The following COLEC12 variants were observed in gnomAD, a reference collection of about 807,000 sequenced individuals.
COLEC12 encodes collectin-12.
Under a neutral mutation model 71.1 loss-of-function variants are expected in COLEC12, and 33 were observed. The ratio of observed to expected loss-of-function variants is 0.46; its 90% CI spans 0.35 to 0.62. The LOEUF (loss-of-function observed/expected upper bound fraction) is 0.62. Ranked by LOEUF, COLEC12 falls within the 20% of genes least tolerant of loss-of-function variation. The probability of loss-of-function intolerance (pLI) is 0.00; values close to 1 mark genes in which losing one functional copy is unlikely to be tolerated. For missense variants in COLEC12, 765 were observed against 916.1 expected (o/e 0.84, Z 2.13); for synonymous variants, 350 against 353.0 (o/e 0.99, Z 0.10).
At chr18:459,642 T>G (rs1321134111) in intron 2 of COLEC12, among the ~76,000 whole-genome samples, 5 of 152,236 alleles carry the variant, frequency 3.3e-5, no homozygotes, top group Admixed American at 6.5e-5. Context: ...GCAGGTGCCC[T>G]ATGCACACCG....
chr18:375,360 C>G (rs1302443920), intron 2 of COLEC12, among the ~76,000 whole-genome samples: 1 of 152,240 alleles, frequency 6.6e-6, no homozygotes, highest in Non-Finnish European at 1.5e-5. Context: ...TGTGGGTACC[C>G]TCATGGCTTT....
At chr18:338,859 C>CT (rs1265430586) in intron 5 of COLEC12, among the ~76,000 whole-genome samples, 14 of 152,258 alleles carry the variant, frequency 9.2e-5, no homozygotes, top group Admixed American at 8.5e-4. Flanking sequence ...TTAAAATAAA[C>CT]TTTTTTCTCA....
At chr18:352,890 T>C (rs1252446784) in intron 3 of COLEC12, among the ~76,000 whole-genome samples, 1 of 152,162 alleles carries the variant, frequency 6.6e-6, no homozygotes, top group East Asian at 1.9e-4. Flanking sequence ...ATGAGAAAAA[T>C]GAGCAGGATA....
intron 5 of COLEC12, among the ~76,000 whole-genome samples, chr18:336,462 GGATT>G (rs1352408540): frequency 1.3e-5 from 2 of 152,176 alleles, no homozygotes; most frequent in Non-Finnish European, 2.9e-5. Flanking sequence ...ATGTAACACA[GGATT>G]GTTTTTCTTT....
At chr18:444,761 A>G (rs1241307646) in intron 2 of COLEC12, among the ~76,000 whole-genome samples, 1 of 152,226 alleles carries the variant, frequency 6.6e-6, no homozygotes, top group African/African-American at 2.4e-5. Context: ...AACAAATGGG[A>G]TTGACGTGAT....
chr18:498,526 A>T (rs1172606692), intron 1 of COLEC12, among the ~76,000 whole-genome samples: 1 of 151,616 alleles, frequency 6.6e-6, no homozygotes, highest in Non-Finnish European at 1.5e-5. Flanking sequence ...CGCCCAGCTA[A>T]TTTTTTGTAT....
At position 331,694 on chromosome 18, in the gene COLEC12, C is replaced by G. The variant is rs1320386495; in HGVS notation, c.2037G>C (p.Trp679Cys). ...TGTAGTCTGGAGATGTCCCATCCAG[C>G]CACTTCCATTCATTTTCACGCTCTG... ...TDSERENEWK[W>C]LDGTSPDYKN... Residue 679 changes from tryptophan to cysteine, a missense_variant, in exon 8 of 10, where the codon TGG becomes TGC. Physicochemically the swap from Trp to Cys is radical, Grantham distance 215. Coordinates refer to ENST00000400256, the MANE Select transcript of COLEC12 (RefSeq NM_130386.3). The G allele has an allele frequency of 6.2e-7, 1 of 1,612,312 alleles. No individual in the cohort carries two copies. Among genetic ancestry groups the G allele is most frequent in the Non-Finnish European group, 8.5e-7 (1 of 1,178,336 alleles).
At chr18:488,942 C>T (rs974568356) in intron 1 of COLEC12, among the ~76,000 whole-genome samples, 5 of 151,840 alleles carry the variant, frequency 3.3e-5, no homozygotes, top group Non-Finnish European at 4.4e-5. Flanking sequence ...AGGTGTTTCC[C>T]GGAAAAAGAA....
At chr18:455,034 C>G (rs1916837499) in intron 2 of COLEC12, among the ~76,000 whole-genome samples, 3 of 152,142 alleles carry the variant, frequency 2.0e-5, no homozygotes, top group Non-Finnish European at 2.9e-5. Flanking sequence ...GATTTTACTC[C>G]TGCCAGAAAC....
chr18:357,066 T>C (rs1914642331), intron 3 of COLEC12, among the ~76,000 whole-genome samples: 1 of 151,128 alleles, frequency 6.6e-6, no homozygotes, highest in African/African-American at 2.4e-5. Flanking sequence ...AGGGTTTCCA[T>C]AAAGCCTCCA....
chr18:402,521 C>T (rs1001642024), intron 2 of COLEC12, among the ~76,000 whole-genome samples: 3 of 151,980 alleles, frequency 2.0e-5, no homozygotes, highest in East Asian at 1.9e-4. Context: ...TAAGCATGGC[C>T]GGATGACACA....
intron 2 of COLEC12, among the ~76,000 whole-genome samples, chr18:366,310 G>A (rs2143521392): frequency 6.6e-6 from 1 of 152,300 alleles, no homozygotes; most frequent in Non-Finnish European, 1.5e-5. Context: ...GTTTGAGGGA[G>A]CATGGGAAGG....
chr18:441,861 G>T (rs531141764), intron 2 of COLEC12, among the ~76,000 whole-genome samples: 1 of 152,134 alleles, frequency 6.6e-6, no homozygotes, highest in East Asian at 1.9e-4. Context: ...TTAGCCAGGT[G>T]TGGTGGCACT....
At chr18:328,375 G>A (rs925853743) in intron 8 of COLEC12, among the ~76,000 whole-genome samples, 3 of 152,142 alleles carry the variant, frequency 2.0e-5, no homozygotes, top group Non-Finnish European at 2.9e-5. Context: ...AGAGCCTGAA[G>A]CCCAGTCCCC....
At chr18:453,506 G>C (rs1916803787) in intron 2 of COLEC12, among the ~76,000 whole-genome samples, 2 of 152,034 alleles carry the variant, frequency 1.3e-5, no homozygotes, top group African/African-American at 4.8e-5. Context: ...TGGGAGTGAG[G>C]GAACCAGACA....
Position 470,220 on chromosome 18 carries a change from A to ATTTTTT in COLEC12, c.58+10481_58+10486dup, listed in dbSNP as rs71174234. Among the ~76,000 whole-genome samples, 41 of 92,382 alleles carry ATTTTTT rather than the reference A, an allele frequency of 4.4e-4. 1 individual carries two copies. Among genetic ancestry groups the ATTTTTT allele is most frequent in the African/African-American group, 1.1e-3 (26 of 22,842 alleles). 60.6% of individuals were successfully genotyped at this position (92,382 alleles called of 152,430 possible). A position where few individuals can be genotyped will look rare whatever the true frequency, so the allele number is the denominator to read the frequency against. ...TAGGTGGATCACTTGAGGCCAGGAA[A>ATTTTTT]TTTTTTTTTTTTTTTTTTTTTTTTT... is the stretch of plus-strand genomic sequence containing the variant. On this transcript the variant is annotated intron_variant, in intron 2 of 9. Transcript: ENST00000400256.
At chr18:376,501 G>A (rs1321748089) in intron 2 of COLEC12, among the ~76,000 whole-genome samples, 2 of 152,196 alleles carry the variant, frequency 1.3e-5, no homozygotes, top group African/African-American at 4.8e-5. Flanking sequence ...CTGTAGTAGA[G>A]TTGGCAAGAA....
chr18:483,952 C>T lies in COLEC12; in HGVS notation c.8-3195G>A, dbSNP rs1250767586. 3.9e-5 allele frequency among the ~76,000 whole-genome samples: 6 copies of T among 152,308 alleles called. No homozygotes were observed. The South Asian group carries it at 6.2e-4, about 16-fold the overall frequency. ...AGCTCTATCCTTTCCACCACTGTGCCACCTCTGCAGCAGAATCCACTCACA... is the reference window on the plus strand; with the variant it reads ...AGCTCTATCCTTTCCACCACTGTGCTACCTCTGCAGCAGAATCCACTCACA... On this transcript the variant is annotated intron_variant, in intron 1 of 9. Coordinates refer to ENST00000400256, the MANE Select transcript of COLEC12 (RefSeq NM_130386.3).
chr18:352,607 G>A (rs1483475901), intron 3 of COLEC12, among the ~76,000 whole-genome samples: 1 of 152,168 alleles, frequency 6.6e-6, no homozygotes, highest in African/African-American at 2.4e-5. Flanking sequence ...TACATGCACT[G>A]GGGGGTGTGT....
Sources: gnomAD v4.1 joint callset for allele counts (sites outside exome capture counted in the v4.1 genomes callset) on GRCh38, gnomAD v4.1.1 for gene constraint, MANE v1.5 for transcripts, NCBI Gene and HGNC (gene_info 2026-07-23, HGNC 2026-07-21) for gene names.